EML6: variants seen among roughly 807,000 people sequenced by gnomAD.
The protein encoded by EML6 is EMAP like 6.
Under a neutral mutation model 240.1 loss-of-function variants are expected in EML6, and 154 were observed. The observed-to-expected ratio is 0.64, with a 90% CI of 0.56 to 0.73. EML6 has a LOEUF of 0.73. Ranked by LOEUF, EML6 falls within the 30% of genes least tolerant of loss-of-function variation. EML6 has a pLI of 0.00. For synonymous variants in EML6, 1,148 were observed against 899.0 expected, an observed-to-expected ratio of 1.28 and a Z score of -4.95; for missense variants, 2,964 against 2,474.6, an observed-to-expected ratio of 1.20 and a Z score of -4.20.
intron 9 of EML6, among the ~76,000 whole-genome samples, chr2:54,849,278 G>A (rs1677499998): frequency 6.6e-6 from 1 of 152,068 alleles, no homozygotes; most frequent in South Asian, 2.1e-4. Flanking sequence ...AGAGACATTT[G>A]AATTATTTTC....
chr2:54,865,843 T>A (rs899045196), intron 13 of EML6, among the ~76,000 whole-genome samples: 18 of 152,224 alleles, frequency 1.2e-4, no homozygotes, highest in African/African-American at 4.1e-4. Flanking sequence ...AGGGATTTTT[T>A]AACTCAATTT....
At chr2:54,923,367 GCACACACACACACACA>G (rs113101367) in intron 26 of EML6, among the ~76,000 whole-genome samples, 106 of 144,460 alleles carry the variant, frequency 7.3e-4, no homozygotes, top group Middle Eastern at 3.5e-3. Flanking sequence ...CTCACCAAAC[GCACACACACACACACA>G]CACACACACA....
chr2:54,911,289 A>G (rs1573125654), intron 25 of EML6, among the ~76,000 whole-genome samples: 1 of 152,220 alleles, frequency 6.6e-6, no homozygotes, highest in African/African-American at 2.4e-5. Flanking sequence ...AAGACAATGA[A>G]TAAGCTAGCA....
chr2:54,783,579 T>C (rs1470128466), intron 2 of EML6, among the ~76,000 whole-genome samples: 1 of 152,192 alleles, frequency 6.6e-6, no homozygotes, highest in African/African-American at 2.4e-5. Context: ...ATATCTGGTG[T>C]GGCAAGGAAA....
chr2:54,910,439 C>T (rs572614371), intron 24 of EML6, among the ~76,000 whole-genome samples: 8 of 152,260 alleles, frequency 5.3e-5, no homozygotes, highest in Admixed American at 2.0e-4. Flanking sequence ...CAAGTAAGAC[C>T]AGAGGGTGGG....
chr2:54,959,059 C>T (rs755137802), intron 33 of EML6, 45 bp from the exon 34 acceptor site: 10 of 1,507,994 alleles, frequency 6.6e-6, no homozygotes, highest in South Asian at 5.2e-5. Flanking sequence ...GGGAGGGACC[C>T]GCTTGAGTGT....
intron 32 of EML6, among the ~76,000 whole-genome samples, chr2:54,954,892 C>T (rs575840622): frequency 4.6e-5 from 7 of 152,324 alleles, no homozygotes; most frequent in Middle Eastern, 3.4e-3. Context: ...ATCTGGGACA[C>T]GCTCTACCAG....
At chr2:54,757,186 C>T (rs1572862387) in intron 2 of EML6, among the ~76,000 whole-genome samples, 1 of 151,922 alleles carries the variant, frequency 6.6e-6, no homozygotes. Context: ...CTCAGCATTC[C>T]CTTTTTCTCC....
rs185577551 is a variant in EML6 at position 54,920,850 on chromosome 2, C to T, written c.3675+3915C>T. Among the ~76,000 whole-genome samples the T allele has an allele frequency of 9.7e-4, 147 of 151,858 alleles. 1 individual carries two copies. Among genetic ancestry groups the T allele is most frequent in the East Asian group, 7.7e-4 (4 of 5,172 alleles). Reference sequence around the variant, plus strand: ...GTGTTCCTGGGATGCAAGGATGGTTCGACATATGCAAGTCAGTAAATGTGA... The same window carrying T: ...GTGTTCCTGGGATGCAAGGATGGTTTGACATATGCAAGTCAGTAAATGTGA... On this transcript the variant is annotated intron_variant, in intron 26 of 41. Coordinates refer to ENST00000356458, the MANE Select transcript of EML6 (RefSeq NM_001039753.4).
chr2:54,789,240 G>T (rs1221068331), intron 2 of EML6, among the ~76,000 whole-genome samples: 1 of 152,060 alleles, frequency 6.6e-6, no homozygotes, highest in Non-Finnish European at 1.5e-5. Flanking sequence ...CCGGCCGGGC[G>T]CGGTGGCTCA....
At chr2:54,791,001 A>G (rs2103905368) in intron 2 of EML6, among the ~76,000 whole-genome samples, 1 of 152,308 alleles carries the variant, frequency 6.6e-6, no homozygotes, top group African/African-American at 2.4e-5. Context: ...CTGGAATTAC[A>G]GGCGTGAGCC....
chr2:54,862,088 C>A (rs1168777721), intron 12 of EML6, among the ~76,000 whole-genome samples: 2 of 151,958 alleles, frequency 1.3e-5, no homozygotes, highest in Non-Finnish European at 2.9e-5. Flanking sequence ...GTAATCCCAG[C>A]ACTTTGGGAG....
At chr2:54,956,103 A>G (rs1373962807) in intron 32 of EML6, among the ~76,000 whole-genome samples, 1 of 152,208 alleles carries the variant, frequency 6.6e-6, no homozygotes, top group Non-Finnish European at 1.5e-5. Flanking sequence ...GGTCCTAGGT[A>G]TATGTGTAAT....
Position 54,776,336 on chromosome 2 carries a change from C to T in EML6, c.198-36896C>T, listed in dbSNP as rs1012952878. Among the ~76,000 whole-genome samples the T allele has an allele frequency of 3.0e-4, 45 of 152,136 alleles. 2 individuals are homozygous for T. The highest frequency in any genetic ancestry group is 4.4e-5 in the Non-Finnish European group (3 of 68,022). ...GGTTTTACAGAACTTGCCTGTAAAA[C>T]TGCCTGGGCTCGGTACCTTCGTGTT... On this transcript the variant is annotated intron_variant, in intron 2 of 41. Coordinates refer to ENST00000356458, the MANE Select transcript of EML6 (RefSeq NM_001039753.4).
intron 2 of EML6, among the ~76,000 whole-genome samples, chr2:54,741,045 G>A (rs1393938449): frequency 3.9e-5 from 6 of 151,996 alleles, no homozygotes; most frequent in African/African-American, 7.3e-5. Flanking sequence ...TTAAACAAAC[G>A]TGTTCAGTGC....
intron 28 of EML6, among the ~76,000 whole-genome samples, chr2:54,946,281 C>T (rs1449999811): frequency 1.3e-5 from 2 of 152,180 alleles, no homozygotes; most frequent in Admixed American, 6.5e-5. Flanking sequence ...TCCAGTCTCT[C>T]ACCCCCTCAC....
chr2:54,907,366 G>T (rs1673378821), intron 24 of EML6, among the ~76,000 whole-genome samples: 3 of 152,144 alleles, frequency 2.0e-5, no homozygotes, highest in Non-Finnish European at 4.4e-5. Context: ...AATCAGCCAG[G>T]TGTGGTGGCG....
chr2:54,926,539 C>T (rs940448919), intron 26 of EML6, among the ~76,000 whole-genome samples: 2 of 152,246 alleles, frequency 1.3e-5, no homozygotes, highest in Non-Finnish European at 2.9e-5. Context: ...ATCCCAATGG[C>T]TGTGCCAGGT....
intron 26 of EML6, among the ~76,000 whole-genome samples, chr2:54,918,041 C>T (rs984582204): frequency 4.6e-5 from 7 of 152,134 alleles, no homozygotes; most frequent in Non-Finnish European, 8.8e-5. Context: ...GAATCATAGA[C>T]GTCAATCTCA....
Sources: allele counts gnomAD v4.1 joint callset (sites outside exome capture counted in the v4.1 genomes callset), GRCh38; gene constraint gnomAD v4.1.1; transcripts MANE v1.5; gene names NCBI Gene and HGNC (gene_info 2026-07-23, HGNC 2026-07-21).